The following DVL3 variants were observed in gnomAD, a reference collection of about 807,000 sequenced individuals.
DVL3 encodes the protein segment polarity protein dishevelled homolog DVL-3.
DVL3 carries 27 observed loss-of-function variants against 67.4 expected under a neutral mutation model. The observed-to-expected ratio is 0.40, with a 90% CI of 0.30 to 0.55. The LOEUF (loss-of-function observed/expected upper bound fraction) is 0.55. Ranked by LOEUF, DVL3 falls within the 20% of genes least tolerant of loss-of-function variation. The probability of loss-of-function intolerance (pLI) is 0.46; values close to 1 mark genes in which losing one functional copy is unlikely to be tolerated. For synonymous variants in DVL3, 369 were observed against 396.8 expected (o/e 0.93, Z 0.83); for missense variants, 819 against 1,021.5 (o/e 0.80, Z 2.70).
Position 184,163,025 on chromosome 3 carries a change from G to T in DVL3, c.162-632G>T, listed in dbSNP as rs1024418641. The stretch of plus-strand genomic sequence containing the variant: ...ACAGAGATGGGAAGACACCCAAGTA[G>T]ATGGGTGCACACCACCACACCCGGC... On this transcript the variant is annotated intron_variant, in intron 1 of 14. Transcript: ENST00000313143. The surrounding 1 kb of genome is among the most constrained non-coding windows in gnomAD (Gnocchi z 4.5). Among the ~76,000 whole-genome samples, 2 of 151,964 alleles carry T rather than the reference G, an allele frequency of 1.3e-5. No homozygotes were observed. The highest frequency in any genetic ancestry group is 2.9e-5 in the Non-Finnish European group (2 of 67,974).
In DVL3 at chr3:184,171,654, GC is replaced by G; in HGVS notation, c.*903del. On this transcript the variant is annotated 3_prime_UTR_variant, in exon 15 of 15. Coordinates refer to ENST00000313143, the MANE Select transcript of DVL3 (RefSeq NM_004423.4). ...GGAGACCAGGAACCCTGCTTCAGCA[GC>G]CCCTCAGGGCTTCCCAAGGATGTCC... 1.1e-6 allele frequency: 1 copy of G among 944,590 alleles called. No individual in the cohort carries two copies. The highest frequency in any genetic ancestry group is 1.3e-6 in the Non-Finnish European group (1 of 792,296). The allele number at this position is 944,590 out of a possible 1,614,324, so 58.5% of individuals were successfully genotyped here.
chr3:184,168,305 G>A (rs1199556845), intron 13 of DVL3, among the ~76,000 whole-genome samples: 1 of 152,210 alleles, frequency 6.6e-6, no homozygotes, highest in Non-Finnish European at 1.5e-5. Context: ...CATGTTGGTT[G>A]TTCCTAAAGC....
chr3:184,170,837 T>G lies in DVL3; in HGVS notation c.*82T>G, dbSNP rs1714807917. ...CTCCATCCGTCCGTCTTTTTTACTT[T>G]GTCTGGTACCTGAAAGGGAAATAAA... On this transcript the variant is annotated 3_prime_UTR_variant, in exon 15 of 15. Coordinates refer to ENST00000313143, the MANE Select transcript of DVL3 (RefSeq NM_004423.4). The surrounding 1 kb of genome is among the most constrained non-coding windows in gnomAD (Gnocchi z 6.5). The G allele has an allele frequency of 6.3e-7, 1 of 1,575,224 alleles. No homozygotes were observed. The highest frequency in any genetic ancestry group is 8.6e-7 in the Non-Finnish European group (1 of 1,160,908).
Position 184,166,252 on chromosome 3 carries a change from A to ATATGT in DVL3, c.892_896dup (p.Leu300CysfsTer5). 4.3e-6 allele frequency: 7 copies of ATATGT among 1,612,514 alleles called. No homozygotes were observed. Among genetic ancestry groups the ATATGT allele is most frequent in the Non-Finnish European group, 5.9e-6 (7 of 1,179,570 alleles). On this transcript the variant is annotated frameshift_variant, in exon 8 of 15. Transcript: ENST00000313143. LOFTEE classifies it high-confidence loss of function. This position sits in a 1 kb window ranked among gnomAD's most constrained non-coding sequence, Gnocchi z 6.7. ...GCTGATGGACGCATCGAGCCAGGAG[A>ATATGT]TATGTTGTTACAGGTATCAGTGCCC... is the stretch of plus-strand genomic sequence containing the variant.
Position 184,166,830 on chromosome 3 carries a change from G to T in DVL3, c.1053G>T (p.Glu351Asp), listed in dbSNP as rs1241057892. 1 of 1,613,934 alleles carries T rather than the reference G, an allele frequency of 6.2e-7. No homozygotes were observed. The part of the protein sequence containing the change: ...PRGCFTLPRS[E>D]PIRPIDPAAW... ...GACTCCTCATCCTCCCTGCAGGCGA[G>T]CCCATCCGGCCCATTGACCCTGCGG... The change falls in exon 11 of 15, where the codon GAG (glutamate) becomes GAT (aspartate). Residue 351 changes from glutamate to aspartate, a missense_variant. By Grantham distance (45) the Glu-to-Asp change is conservative (BLOSUM62 2). Around this residue, in one of 3 missense-constraint regions of DVL3, gnomAD observed 385 missense variants for 486.8 expected, o/e 0.79. Transcript: ENST00000313143. This position sits in a 1 kb window ranked among gnomAD's most constrained non-coding sequence, Gnocchi z 6.7.
chr3:184,159,963 G>A (rs1316940736), intron 1 of DVL3, among the ~76,000 whole-genome samples: 1 of 150,738 alleles, frequency 6.6e-6, no homozygotes, highest in East Asian at 1.9e-4. Context: ...TTTTTGAGAG[G>A]GAGTCTCGCT....
Position 184,170,497 on chromosome 3 carries a change from GCACAGCCAC to G in DVL3, c.1895_1903del (p.His632_His634del), listed in dbSNP as rs778994547. On this transcript the variant is annotated inframe_deletion, in exon 15 of 15. Transcript: ENST00000313143. This position sits in a 1 kb window ranked among gnomAD's most constrained non-coding sequence, Gnocchi z 6.5. The stretch of plus-strand genomic sequence containing the variant: ...AGCGCTCAGGGCCGGCGGCCAGCGA[GCACAGCCAC>G]CGCAGCCACCATTCCCTGGCCAGCA... 1.2e-6 allele frequency: 2 copies of G among 1,600,454 alleles called. No homozygotes were observed. The highest frequency in any genetic ancestry group is 2.2e-5 in the South Asian group (2 of 89,820).
intron 13 of DVL3, 112 bp from the exon 14 acceptor site, chr3:184,169,894 C>T: frequency 9.9e-7 from 1 of 1,007,274 alleles, no homozygotes; most frequent in South Asian, 1.7e-5. Context: ...GCTGTGCCTC[C>T]TCTCATTCTA....
chr3:184,168,162 G>C (rs1714666972), intron 13 of DVL3, 97 bp downstream of exon 13: 2 of 1,423,124 alleles, frequency 1.4e-6, no homozygotes, highest in Admixed American at 3.7e-5. Context: ...CAAACTGGGG[G>C]ACAGCAGAGC....
Position 184,163,859 on chromosome 3 carries a change from G to A in DVL3, c.231+133G>A. 1.3e-6 allele frequency: 1 copy of A among 755,380 alleles called. No homozygotes were observed. The highest frequency in any genetic ancestry group is 2.2e-6 in the Non-Finnish European group (1 of 453,124). The allele number at this position is 755,380 out of a possible 1,614,324, so 46.8% of individuals were successfully genotyped here. On this transcript the variant is annotated intron_variant, in intron 2 of 14. Transcript: ENST00000313143. This position sits in a 1 kb window ranked among gnomAD's most constrained non-coding sequence, Gnocchi z 4.5. ...CTTTCTTTAGTTTTGCAAATGAACT[G>A]CTTCTCACCCCAGATTCTGTAACCT...
chr3:184,160,862 T>C (rs1714355882), intron 1 of DVL3, among the ~76,000 whole-genome samples: 1 of 152,156 alleles, frequency 6.6e-6, no homozygotes, highest in Non-Finnish European at 1.5e-5. Context: ...CAACCTGGAG[T>C]ACCCTGTGGC....
At position 184,173,418 on chromosome 3, in the gene DVL3, A is replaced by G. The variant is rs554759246; in HGVS notation, c.*2663A>G. The G allele has an allele frequency of 6.6e-6, 1 of 152,248 alleles. No homozygotes were observed. The highest frequency in any genetic ancestry group is 2.1e-4 in the South Asian group (1 of 4,818). 9.4% of individuals were successfully genotyped at this position (152,248 alleles called of 1,614,324 possible). On this transcript the variant is annotated 3_prime_UTR_variant, in exon 15 of 15. Transcript: ENST00000313143. ...GGTTTTGGGTTTGAATTCCAGCTCT[A>G]CTATTTTTGGTTGTGTGATAGAGTT...
intron 1 of DVL3, chr3:184,156,753 T>G: frequency 3.5e-6 from 1 of 285,500 alleles, no homozygotes. Context: ...CCCAGGAGAC[T>G]GGGGGAGGGG....
chr3:184,172,205 A>C lies in DVL3; in HGVS notation c.*1450A>C, dbSNP rs1714867265. ...GACACAGGAGCCCACAGGCCAGTTG[A>C]GGTTGGGCAAGGAGACTTCCAGGAC... On this transcript the variant is annotated 3_prime_UTR_variant, in exon 15 of 15. Transcript: ENST00000313143. The C allele has an allele frequency of 6.6e-6, 1 of 152,334 alleles. No individual in the cohort carries two copies. The highest frequency in any genetic ancestry group is 2.4e-5 in the African/African-American group (1 of 41,464). 9.4% of individuals were successfully genotyped at this position (152,334 alleles called of 1,614,324 possible).
chr3:184,156,783 G>A (rs768058765), intron 1 of DVL3: 14 of 284,274 alleles, frequency 4.9e-5, no homozygotes, highest in African/African-American at 8.8e-5. Context: ...ACACTTGCCT[G>A]CCGCCTCACT....
chr3:184,165,280 C>G lies in DVL3; in HGVS notation c.693+74C>G. The G allele has an allele frequency of 6.5e-7, 1 of 1,540,816 alleles. No individual in the cohort carries two copies. Among genetic ancestry groups the G allele is most frequent in the South Asian group, 1.2e-5 (1 of 82,024 alleles). On this transcript the variant is annotated intron_variant, in intron 6 of 14. Transcript: ENST00000313143. This position sits in a 1 kb window ranked among gnomAD's most constrained non-coding sequence, Gnocchi z 4.1. ...TTCCTACGCAGGGCCAAGGCTTGTT[C>G]TTCCTTAGATCCCATCCCCCTAGTG...
Position 184,170,368 on chromosome 3 carries a change from G to A in DVL3, c.1764G>A (p.Glu588=). The A allele has an allele frequency of 6.2e-7, 1 of 1,605,822 alleles. No individual in the cohort carries two copies. The highest frequency in any genetic ancestry group is 8.5e-7 in the Non-Finnish European group (1 of 1,176,510). ...SNRSGSDRRK[E]KDPKAGDSKS... ...GTAGCGGCAGCGATCGGAGGAAGGAGAAGGACCCGAAGGCCGGGGACTCCA... is the reference window on the plus strand; with the variant it reads ...GTAGCGGCAGCGATCGGAGGAAGGAAAAGGACCCGAAGGCCGGGGACTCCA... Residue 588 remains glutamate, a synonymous_variant, in exon 15 of 15, where the codon GAG becomes GAA. Transcript: ENST00000313143. The surrounding 1 kb of genome is among the most constrained non-coding windows in gnomAD (Gnocchi z 6.5).
rs116156353 is a variant in DVL3 at position 184,163,770 on chromosome 3, G to T, written c.231+44G>T. 1.0e-4 allele frequency: 157 copies of T among 1,552,544 alleles called. No individual in the cohort carries two copies. The African/African-American group carries it at 1.9e-3, about 18-fold the overall frequency. On this transcript the variant is annotated intron_variant, in intron 2 of 14. Transcript: ENST00000313143. This position sits in a 1 kb window ranked among gnomAD's most constrained non-coding sequence, Gnocchi z 4.5. ...TCCATCCACCTGCATCCCTGTGCTG[G>T]GCTGGACGAGGGAAAGGCATCACTG...
intron 1 of DVL3, among the ~76,000 whole-genome samples, chr3:184,160,028 C>T (rs1444456342): frequency 1.3e-5 from 2 of 151,858 alleles, no homozygotes; most frequent in Non-Finnish European, 2.9e-5. Context: ...CAAGCTCCGC[C>T]TCCTGGGTTC....
Sources: allele counts gnomAD v4.1 joint callset (sites outside exome capture counted in the v4.1 genomes callset), GRCh38; gene constraint gnomAD v4.1.1; regional missense constraint gnomAD v4.1.1; non-coding constraint Gnocchi (gnomAD v3.1); transcripts MANE v1.5; gene names NCBI Gene and HGNC (gene_info 2026-07-23, HGNC 2026-07-21).